Variants in LRATD2 observed in about 807,000 individuals in gnomAD.
The protein encoded by LRATD2 is protein LRATD2.
LRATD2 carries 10 observed loss-of-function variants against 12.0 expected under a neutral mutation model. The ratio of observed to expected loss-of-function variants is 0.83; its 90% confidence interval spans 0.51 to 1.41. LRATD2 has a LOEUF of 1.41. LRATD2 is among the 40% of genes most tolerant of loss of function. The pLI is 0.00. For synonymous variants in LRATD2, 220 were observed against 205.8 expected (o/e 1.07, Z -0.59); for missense variants, 455 against 446.1 (o/e 1.02, Z -0.18).
chr8:126,557,201 C>T lies in LRATD2; in HGVS notation c.189G>A (p.Gly63=). ...GCGGCTGGGGCGGCGGCGGCCCGTC[C>T]CCACCGTCGGGCAAGCCGCCGCCAT... ...GPDGGGLPDG[G]DGPPPPQPQP... is the part of the protein sequence containing the mutation. The change falls in exon 2 of 2, where the codon GGG becomes GGA. Residue 63 remains glycine, a synonymous_variant. Transcript: ENST00000304916. The surrounding 1 kb of genome is among the most constrained non-coding windows in gnomAD (Gnocchi z 5.3). The T allele has an allele frequency of 6.2e-7, 1 of 1,601,450 alleles. No homozygotes were observed. Among genetic ancestry groups the T allele is most frequent in the African/African-American group, 1.3e-5 (1 of 74,668 alleles).
rs1650336729 is a variant in LRATD2 at position 126,554,479 on chromosome 8, C to T, written c.*1978G>A. 4 of 152,314 alleles carry T rather than the reference C, an allele frequency of 2.6e-5. No individual in the cohort carries two copies. The South Asian group carries it at 8.3e-4, about 32-fold the overall frequency. The allele number at this position is 152,314 out of a possible 1,614,324, so 9.4% of individuals were successfully genotyped here. A position where few individuals can be genotyped will look rare whatever the true frequency, so the allele number is the denominator to read the frequency against. On this transcript the variant is annotated 3_prime_UTR_variant, in exon 2 of 2. Transcript: ENST00000304916. ...AAATATGGACACTAGATTTACATTT[C>T]CAACAAGAAATTCATCTCCCTCCAA...
rs958077006 is a variant in LRATD2, at chr8:126,557,932, G to C, written c.-97+102C>G. 1.3e-5 allele frequency: 2 copies of C among 154,050 alleles called. No individual in the cohort carries two copies. The highest frequency in any genetic ancestry group is 2.4e-5 in the African/African-American group (1 of 41,426). The allele number at this position is 154,050 out of a possible 1,614,324, so 9.5% of individuals were successfully genotyped here. A position where few individuals can be genotyped will look rare whatever the true frequency, so the allele number is the denominator to read the frequency against. On this transcript the variant is annotated intron_variant, in intron 1 of 1. Transcript: ENST00000304916. The surrounding 1 kb of genome is among the most constrained non-coding windows in gnomAD (Gnocchi z 5.3). ...GGATCTCAGAGCGCGACCTGGACAGGTGAGTCACCCTACCTGGCTCACCTG... is the reference window on the plus strand; with the variant it reads ...GGATCTCAGAGCGCGACCTGGACAGCTGAGTCACCCTACCTGGCTCACCTG...
Position 126,556,940 on chromosome 8 carries a change from C to A in LRATD2, c.450G>T (p.Val150=). ...FQVVHLHRLE[V]INSFLTDASQ... ...TGGCGTCAGTCAGGAAGCTGTTAAT[C>A]ACCTCCAGCCGGTGCAGGTGCACCA... Residue 150 remains valine, a synonymous_variant, in exon 2 of 2, where the codon GTG becomes GTT. Transcript: ENST00000304916. The surrounding 1 kb of genome is among the most constrained non-coding windows in gnomAD (Gnocchi z 5.6). 6.2e-7 allele frequency: 1 copy of A among 1,610,312 alleles called. No individual in the cohort carries two copies. The highest frequency in any genetic ancestry group is 8.5e-7 in the Non-Finnish European group (1 of 1,179,986).
chr8:126,557,300 G>A lies in LRATD2; in HGVS notation c.90C>T (p.Pro30=), dbSNP rs377354039. 20 of 1,613,576 alleles carry A rather than the reference G, an allele frequency of 1.2e-5. No homozygotes were observed. The highest frequency in any genetic ancestry group is 1.5e-5 in the Non-Finnish European group (18 of 1,179,988). Residue 30 remains proline (P), a synonymous_variant, in exon 2 of 2, where the codon CCC becomes CCT. Transcript: ENST00000304916. The surrounding 1 kb of genome is among the most constrained non-coding windows in gnomAD (Gnocchi z 5.3). Reference sequence around the variant, plus strand: ...AGAAAATGTAGGAGACCCCAATGCGGGGCCCGTCGTCCCGGTCCACGCCAG... The same window carrying A: ...AGAAAATGTAGGAGACCCCAATGCGAGGCCCGTCGTCCCGGTCCACGCCAG... ...DPTGVDRDDG[P]RIGVSYIFSN... is the part of the protein sequence containing the mutation.
At position 126,556,073 on chromosome 8, in the gene LRATD2, T is replaced by G. The variant is rs1817383788; in HGVS notation, c.*384A>C. The G allele has an allele frequency of 8.8e-6, 2 of 226,334 alleles. No homozygotes were observed. Among genetic ancestry groups the G allele is most frequent in the Admixed American group, 5.9e-5 (1 of 16,928 alleles). The allele number at this position is 226,334 out of a possible 1,614,324, so 14.0% of individuals were successfully genotyped here. On this transcript the variant is annotated 3_prime_UTR_variant, in exon 2 of 2. Transcript: ENST00000304916. The surrounding 1 kb of genome is among the most constrained non-coding windows in gnomAD (Gnocchi z 5.6). ...TACCAGGATTCTTCCAAGCCCAGGA[T>G]AGGAAGCAACGGCAGGAATGGGTAC...
In LRATD2 at chr8:126,557,274, G is replaced by A. The variant is rs748228339; in HGVS notation, c.116C>T (p.Ser39Phe). The A allele has an allele frequency of 6.2e-7, 1 of 1,612,294 alleles. No homozygotes were observed. Among genetic ancestry groups the A allele is most frequent in the Non-Finnish European group, 8.5e-7 (1 of 1,179,612 alleles). Residue 39 changes from serine (S) to phenylalanine (F), a missense_variant, in exon 2 of 2, where the codon TCC (serine) becomes TTC (phenylalanine). By Grantham distance (155) the Ser-to-Phe change is radical (BLOSUM62 -2). Coordinates refer to ENST00000304916, the MANE Select transcript of LRATD2 (RefSeq NM_174911.5). This position sits in a 1 kb window ranked among gnomAD's most constrained non-coding sequence, Gnocchi z 5.3. ...CGGCTCCACGTCCTCATCGTCATTGGAGAAAATGTAGGAGACCCCAATGCG... is the reference window on the plus strand; with the variant it reads ...CGGCTCCACGTCCTCATCGTCATTGAAGAAAATGTAGGAGACCCCAATGCG... The part of the protein sequence containing the change: ...GPRIGVSYIF[S>F]NDDEDVEPQP...
Position 126,556,876 on chromosome 8 carries a change from G to A in LRATD2, c.514C>T (p.Arg172Cys). 3 of 1,606,806 alleles carry A rather than the reference G, an allele frequency of 1.9e-6. No individual in the cohort carries two copies. Among genetic ancestry groups the A allele is most frequent in the Non-Finnish European group, 1.7e-6 (2 of 1,179,536 alleles). The change falls in exon 2 of 2, where the codon CGC (arginine) becomes TGC (cysteine). Residue 172 changes from arginine (R) to cysteine (C), a missense_variant. Transcript: ENST00000304916. The surrounding 1 kb of genome is among the most constrained non-coding windows in gnomAD (Gnocchi z 5.6). Reference sequence around the variant, plus strand: ...GCGCTGGAGCTTAGCGGCTTGTAGCGGTACAGATCGTTGACCACGCGGCCG... The same window carrying A: ...GCGCTGGAGCTTAGCGGCTTGTAGCAGTACAGATCGTTGACCACGCGGCCG... ...RRGRVVNDLY[R>C]YKPLSSSAVV...
In LRATD2 at chr8:126,556,651, G is replaced by C; in HGVS notation, c.739C>G (p.Leu247Val). The C allele has an allele frequency of 6.2e-7, 1 of 1,612,210 alleles. No homozygotes were observed. Among genetic ancestry groups the C allele is most frequent in the Non-Finnish European group, 8.5e-7 (1 of 1,179,544 alleles). The change falls in exon 2 of 2, where the codon CTA (leucine) becomes GTA (valine). Residue 247 changes from leucine to valine, a missense_variant. Transcript: ENST00000304916. This position sits in a 1 kb window ranked among gnomAD's most constrained non-coding sequence, Gnocchi z 5.6. ...CGCTTCTCCATGATCAGGTCCTCTA[G>C]ACTCTGGAACTCGAGCGTGTGGCTG... ...QRSHTLEFQS[L>V]EDLIMEKRRN...
In LRATD2 at chr8:126,556,738, C is replaced by T. The variant is rs1817409640; in HGVS notation, c.652G>A (p.Gly218Ser). The part of the protein sequence containing the change: ...CRYGKREFKI[G>S]GELRIGKQPY... ...TGCTTGCCGATGCGCAGCTCGCCGC[C>T]GATCTTGAACTCGCGCTTGCCGTAG... The change falls in exon 2 of 2, where the codon GGC becomes AGC. Residue 218 changes from glycine (G) to serine (S), a missense_variant. By Grantham distance (56) the Gly-to-Ser change is moderately conservative. Transcript: ENST00000304916. This position sits in a 1 kb window ranked among gnomAD's most constrained non-coding sequence, Gnocchi z 5.6. 1.2e-6 allele frequency: 2 copies of T among 1,602,886 alleles called. No homozygotes were observed. The highest frequency in any genetic ancestry group is 1.7e-6 in the Non-Finnish European group (2 of 1,174,800).
In LRATD2 at chr8:126,556,337, G is replaced by A. The variant is rs1817390672; in HGVS notation, c.*120C>T. 5 of 1,200,298 alleles carry A rather than the reference G, an allele frequency of 4.2e-6. No individual in the cohort carries two copies. Among genetic ancestry groups the A allele is most frequent in the Non-Finnish European group, 4.5e-6 (4 of 890,566 alleles). The allele number at this position is 1,200,298 out of a possible 1,614,324, so 74.4% of individuals were successfully genotyped here. On this transcript the variant is annotated 3_prime_UTR_variant, in exon 2 of 2. Coordinates refer to ENST00000304916, the MANE Select transcript of LRATD2 (RefSeq NM_174911.5). This position sits in a 1 kb window ranked among gnomAD's most constrained non-coding sequence, Gnocchi z 5.6. ...CATTTCACCAACTCTTTTCCAAAGG[G>A]CCCAGGAATCCCAGATGGGGCCCAG...
rs1348739186 is a variant in LRATD2, at chr8:126,554,452, T to C, written c.*2005A>G. 1.3e-5 allele frequency: 2 copies of C among 152,230 alleles called. No individual in the cohort carries two copies. The highest frequency in any genetic ancestry group is 2.9e-5 in the Non-Finnish European group (2 of 68,040). 9.4% of individuals were successfully genotyped at this position (152,230 alleles called of 1,614,324 possible). On this transcript the variant is annotated 3_prime_UTR_variant, in exon 2 of 2. Coordinates refer to ENST00000304916, the MANE Select transcript of LRATD2 (RefSeq NM_174911.5). ...GAATAAACACAAAGCTGTGAGAGTA[T>C]TAAATATGGACACTAGATTTACATT...
At position 126,554,418 on chromosome 8, in the gene LRATD2, G is replaced by A. The variant is rs77693027; in HGVS notation, c.*2039C>T. ...TGTTTATCTTGTTCTGCTATTCCAT[G>A]AGCAAAGAGAATAAACACAAAGCTG... On this transcript the variant is annotated 3_prime_UTR_variant, in exon 2 of 2. Transcript: ENST00000304916. 6.6e-6 allele frequency: 1 copy of A among 152,196 alleles called. No individual in the cohort carries two copies. The highest frequency in any genetic ancestry group is 1.5e-5 in the Non-Finnish European group (1 of 68,042). The allele number at this position is 152,196 out of a possible 1,614,324, so 9.4% of individuals were successfully genotyped here.
At position 126,558,404 on chromosome 8, in the gene LRATD2, T is replaced by A. The variant is rs1317735133; in HGVS notation, c.-467A>T. ...CCGGGCGAGCAACAAGCACCGGAGC[T>A]GGAGGGACGGGATTGTAGATCCGGC... is the stretch of plus-strand genomic sequence containing the variant. On this transcript the variant is annotated 5_prime_UTR_variant, in exon 1 of 2. Coordinates refer to ENST00000304916, the MANE Select transcript of LRATD2 (RefSeq NM_174911.5). 1.3e-5 allele frequency: 2 copies of A among 152,048 alleles called. No homozygotes were observed. The highest frequency in any genetic ancestry group is 1.3e-4 in the Admixed American group (2 of 15,282). 9.4% of individuals were successfully genotyped at this position (152,048 alleles called of 1,614,324 possible).
In LRATD2 at chr8:126,553,116, A is replaced by G. The variant is rs1817314502; in HGVS notation, c.*3341T>C. The G allele has an allele frequency of 6.6e-6, 1 of 152,316 alleles. No homozygotes were observed. Among genetic ancestry groups the G allele is most frequent in the Admixed American group, 6.5e-5 (1 of 15,288 alleles). The allele number at this position is 152,316 out of a possible 1,614,324, so 9.4% of individuals were successfully genotyped here. A position where few individuals can be genotyped will look rare whatever the true frequency, so the allele number is the denominator to read the frequency against. ...CCAGTGCTATTAGGGCCAAAGCACC[A>G]AAGACATGAGAAGTTTAACCATCGA... On this transcript the variant is annotated 3_prime_UTR_variant, in exon 2 of 2. Coordinates refer to ENST00000304916, the MANE Select transcript of LRATD2 (RefSeq NM_174911.5).
In LRATD2 at chr8:126,557,088, G is replaced by C. The variant is rs771634972; in HGVS notation, c.302C>G (p.Ser101Trp). The change falls in exon 2 of 2, where the codon TCG becomes TGG. Residue 101 changes from serine to tryptophan, a missense_variant. Coordinates refer to ENST00000304916, the MANE Select transcript of LRATD2 (RefSeq NM_174911.5). This position sits in a 1 kb window ranked among gnomAD's most constrained non-coding sequence, Gnocchi z 5.3. ...CIYQKSFAPG[S>W]AALSTYTPEN... The stretch of plus-strand genomic sequence containing the variant: ...GGGCGTGTAGGTACTCAGCGCCGCC[G>C]AGCCCGGCGCGAAGCTCTTCTGGTA... 3 of 1,611,154 alleles carry C rather than the reference G, an allele frequency of 1.9e-6. No individual in the cohort carries two copies. Among genetic ancestry groups the C allele is most frequent in the African/African-American group, 1.3e-5 (1 of 74,926 alleles).
rs1264887671 is a variant in LRATD2, at chr8:126,554,997, CAGTAGTATCTCATACCAAGCAAAACCA to C, written c.*1433_*1459del. The C allele has an allele frequency of 1.3e-5, 2 of 152,146 alleles. No individual in the cohort carries two copies. The highest frequency in any genetic ancestry group is 4.8e-5 in the African/African-American group (2 of 41,420). The allele number at this position is 152,146 out of a possible 1,614,324, so 9.4% of individuals were successfully genotyped here. On this transcript the variant is annotated 3_prime_UTR_variant, in exon 2 of 2. Transcript: ENST00000304916. ...TGGAAAAAATCTCATACTAAGCAAA[CAGTAGTATCTCATACCAAGCAAAACCA>C]AGTAGTATCTGCTCAGCCTGCCGCT... is the stretch of plus-strand genomic sequence containing the variant.
At position 126,555,001 on chromosome 8, in the gene LRATD2, A is replaced by G. The variant is rs1817356343; in HGVS notation, c.*1456T>C. 1 of 152,224 alleles carries G rather than the reference A, an allele frequency of 6.6e-6. No individual in the cohort carries two copies. The highest frequency in any genetic ancestry group is 2.4e-5 in the African/African-American group (1 of 41,456). The allele number at this position is 152,224 out of a possible 1,614,324, so 9.4% of individuals were successfully genotyped here. A position where few individuals can be genotyped will look rare whatever the true frequency, so the allele number is the denominator to read the frequency against. On this transcript the variant is annotated 3_prime_UTR_variant, in exon 2 of 2. Coordinates refer to ENST00000304916, the MANE Select transcript of LRATD2 (RefSeq NM_174911.5). ...AAAAATCTCATACTAAGCAAACAGTAGTATCTCATACCAAGCAAAACCAAG... is the reference window on the plus strand; with the variant it reads ...AAAAATCTCATACTAAGCAAACAGTGGTATCTCATACCAAGCAAAACCAAG...
chr8:126,556,585 G>A lies in LRATD2; in HGVS notation c.805C>T (p.Leu269Phe), dbSNP rs750486835. The A allele has an allele frequency of 6.2e-7, 1 of 1,609,782 alleles. No homozygotes were observed. Among genetic ancestry groups the A allele is most frequent in the South Asian group, 1.1e-5 (1 of 90,746 alleles). ...TCCGCCGGGTGCAGGTGCGTGGCGA[G>A]CTCCTGCAGCACGGCCGCGCGCCCG... The part of the protein sequence containing the change: ...QIGRAAVLQE[L>F]ATHLHPAEPE... The change falls in exon 2 of 2, where the codon CTC becomes TTC. Residue 269 changes from leucine to phenylalanine, a missense_variant. By Grantham distance (22) the Leu-to-Phe change is conservative (BLOSUM62 0). Coordinates refer to ENST00000304916, the MANE Select transcript of LRATD2 (RefSeq NM_174911.5). The surrounding 1 kb of genome is among the most constrained non-coding windows in gnomAD (Gnocchi z 5.6).
Position 126,556,925 on chromosome 8 carries a change from C to G in LRATD2, c.465G>C (p.Leu155=), listed in dbSNP as rs1318239161. Reference sequence around the variant, plus strand: ...CGCGACGGCCCTGGCTGGCGTCAGTCAGGAAGCTGTTAATCACCTCCAGCC... The same window carrying G: ...CGCGACGGCCCTGGCTGGCGTCAGTGAGGAAGCTGTTAATCACCTCCAGCC... ...LHRLEVINSF[L]TDASQGRRGR... Residue 155 remains leucine, a synonymous_variant, in exon 2 of 2, where the codon CTG becomes CTC. Transcript: ENST00000304916. This position sits in a 1 kb window ranked among gnomAD's most constrained non-coding sequence, Gnocchi z 5.6. 6.2e-7 allele frequency: 1 copy of G among 1,610,056 alleles called. No individual in the cohort carries two copies. The highest frequency in any genetic ancestry group is 8.5e-7 in the Non-Finnish European group (1 of 1,179,956).
Sources: gnomAD v4.1 joint callset for allele counts on GRCh38, gnomAD v4.1.1 for gene constraint, Gnocchi (gnomAD v3.1) non-coding constraint, MANE v1.5 for transcripts, NCBI Gene and HGNC (gene_info 2026-07-23, HGNC 2026-07-21) for gene names.